CFAP46: variants seen among roughly 807,000 people sequenced by gnomAD.
The protein encoded by CFAP46 is cilia and flagella associated protein 46.
In CFAP46, 245 loss-of-function variants were observed where a neutral mutation model predicts 325.7. The observed-to-expected ratio is 0.75, with a 90% CI of 0.68 to 0.84. CFAP46 has a LOEUF of 0.84. Among genes scored for constraint, CFAP46 ranks in the 40% least tolerant of loss-of-function variants. The probability of loss-of-function intolerance (pLI) is 0.00; values close to 1 mark genes in which losing one functional copy is unlikely to be tolerated. For missense variants in CFAP46, 3,346 were observed against 3,543.0 expected, an observed-to-expected ratio of 0.94 and a Z score of 1.41; for synonymous variants, 1,523 against 1,495.9, an observed-to-expected ratio of 1.02 and a Z score of -0.42.
intron 50 of CFAP46, among the ~76,000 whole-genome samples, chr10:132,831,201 G>A (rs1475648228): frequency 2.2e-5 from 3 of 138,642 alleles, no homozygotes; most frequent in Non-Finnish European, 4.6e-5. Flanking sequence ...TCAACTTAGG[G>A]TATATCTTGT....
intron 44 of CFAP46, among the ~76,000 whole-genome samples, chr10:132,837,340 C>T (rs1413072902): frequency 6.6e-6 from 1 of 152,208 alleles, no homozygotes; most frequent in Admixed American, 6.5e-5. Flanking sequence ...GACACACACG[C>T]GTGCACAGAC....
intron 44 of CFAP46, among the ~76,000 whole-genome samples, chr10:132,838,831 C>T (rs569043169): frequency 6.6e-6 from 1 of 152,370 alleles, no homozygotes; most frequent in Admixed American, 6.5e-5. Context: ...TGCCAAGGGG[C>T]AGGCATGAGG....
At chr10:132,818,886 C>G (rs889779475) in intron 50 of CFAP46, among the ~76,000 whole-genome samples, 5 of 148,720 alleles carry the variant, frequency 3.4e-5, no homozygotes, top group Non-Finnish European at 5.9e-5. Flanking sequence ...AAAGAAAGAA[C>G]AGGCACACAC....
chr10:132,854,646 G>T (rs4880449), intron 39 of CFAP46, among the ~76,000 whole-genome samples: 104,088 of 151,928 alleles, frequency 0.69, 36,658 homozygotes, highest in African/African-American at 0.84. Flanking sequence ...CAGCTTTCTG[G>T]TTTTTTTTAA....
In CFAP46 at chr10:132,899,655, C is replaced by T. The variant is rs138173942; in HGVS notation, c.2936G>A (p.Arg979Gln). 1,607 of 1,549,262 alleles carry T rather than the reference C, an allele frequency of 1.0e-3. 15 individuals carry two copies. The African/African-American group carries it at 0.019, about 18-fold the overall frequency. ...YLKKFGPEESRLVAEMLCTAT... is the reference protein window; with the variant it reads ...YLKKFGPEESQLVAEMLCTAT... Reference sequence around the variant, plus strand: ...TGTGCACAGCATCTCTGCCACCAGCCGGGACTCCTCGCTGCAGGAACAGGG... The same window carrying T: ...TGTGCACAGCATCTCTGCCACCAGCTGGGACTCCTCGCTGCAGGAACAGGG... Residue 979 changes from arginine to glutamine, a missense_variant, in exon 23 of 58, where the codon CGG becomes CAG. Transcript: ENST00000368586.
intron 22 of CFAP46, among the ~76,000 whole-genome samples, chr10:132,900,189 A>T (rs1849374630): frequency 6.6e-6 from 1 of 152,204 alleles, no homozygotes; most frequent in African/African-American, 2.4e-5. Flanking sequence ...CCACAGAACC[A>T]GCCCCTCTTT....
chr10:132,913,182 C>G lies in CFAP46; in HGVS notation c.2197G>C (p.Glu733Gln). 2 of 1,550,474 alleles carry G rather than the reference C, an allele frequency of 1.3e-6. No individual in the cohort carries two copies. Among genetic ancestry groups the G allele is most frequent in the Non-Finnish European group, 1.7e-6 (2 of 1,147,004 alleles). The change falls in exon 18 of 58, where the codon GAG becomes CAG. Residue 733 changes from glutamate to glutamine, a missense_variant. Transcript: ENST00000368586. ...RSAEIGQEIQ[E>Q]AWIVQNAVVY... Reference sequence around the variant, plus strand: ...ACGGCGTTCTGCACAATCCACGCCTCCTGGATCTCCTGTCCGATCTCTGCG... The same window carrying G: ...ACGGCGTTCTGCACAATCCACGCCTGCTGGATCTCCTGTCCGATCTCTGCG...
At chr10:132,915,395 C>T (rs1362945511) in intron 17 of CFAP46, among the ~76,000 whole-genome samples, 1 of 152,274 alleles carries the variant, frequency 6.6e-6, no homozygotes, top group Non-Finnish European at 1.5e-5. Flanking sequence ...GGAGAGGGAT[C>T]CCAAGAGGCC....
rs1475999614 is a variant in CFAP46, at chr10:132,812,812, C to T, written c.7474G>A (p.Glu2492Lys). Residue 2492 changes from glutamate (E) to lysine (K), a missense_variant, in exon 55 of 58, where the codon GAG (glutamate) becomes AAG (lysine). By Grantham distance (56) the Glu-to-Lys change is moderately conservative (BLOSUM62 1). Coordinates refer to ENST00000368586, the MANE Select transcript of CFAP46 (RefSeq NM_001200049.3). ...TGCAAGTTCATGGCGACCAATCTCT[C>T]CACTAATATATGGGACAGGAAGCTC... Reference protein sequence around the residue: ...MESFLSHILVERLVAMNLQEC... With the variant: ...MESFLSHILVKRLVAMNLQEC... 1 of 1,612,352 alleles carries T rather than the reference C, an allele frequency of 6.2e-7. No homozygotes were observed. Among genetic ancestry groups the T allele is most frequent in the Non-Finnish European group, 8.5e-7 (1 of 1,179,730 alleles).
Position 132,919,500 on chromosome 10 carries a change from T to A in CFAP46, c.1731-58A>T. The A allele has an allele frequency of 6.6e-7, 1 of 1,504,420 alleles. No individual in the cohort carries two copies. Among genetic ancestry groups the A allele is most frequent in the Non-Finnish European group, 8.9e-7 (1 of 1,125,004 alleles). The allele number at this position is 1,504,420 out of a possible 1,614,324, so 93.2% of individuals were successfully genotyped here. On this transcript the variant is annotated intron_variant, in intron 14 of 57. Coordinates refer to ENST00000368586, the MANE Select transcript of CFAP46 (RefSeq NM_001200049.3). This position sits in a 1 kb window ranked among gnomAD's most constrained non-coding sequence, Gnocchi z 9.7. ...GAGTAGACAAGTGTGGTTGCTGAAG[T>A]TAGAAAACACCTGGGCTGGCTGCCT...
intron 57 of CFAP46, 140 bp from the exon 58 acceptor site, chr10:132,809,044 C>T: frequency 1.1e-6 from 1 of 873,180 alleles, no homozygotes; most frequent in South Asian, 1.9e-5. Flanking sequence ...TTCGCCAGGC[C>T]TCCAGGGCGC....
intron 24 of CFAP46, among the ~76,000 whole-genome samples, chr10:132,893,826 T>C (rs1458129193): frequency 6.6e-6 from 1 of 152,248 alleles, no homozygotes; most frequent in Non-Finnish European, 1.5e-5. Context: ...TGCTCCTCAG[T>C]TGAAGTCTTT....
rs1489476484 is a variant in CFAP46 at position 132,939,504 on chromosome 10, G to A, written c.372-751C>T. On this transcript the variant is annotated intron_variant, in intron 4 of 57. Coordinates refer to ENST00000368586, the MANE Select transcript of CFAP46 (RefSeq NM_001200049.3). The surrounding 1 kb of genome is among the most constrained non-coding windows in gnomAD (Gnocchi z 4.6). ...CCATGTAGGGCCTGTGTGCCTTGTG[G>A]TCCTGGGCCGGCCACCAGGTGGACC... 2.0e-5 allele frequency among the ~76,000 whole-genome samples: 3 copies of A among 152,170 alleles called. No homozygotes were observed. Among genetic ancestry groups the A allele is most frequent in the Non-Finnish European group, 4.4e-5 (3 of 68,014 alleles).
intron 24 of CFAP46, among the ~76,000 whole-genome samples, chr10:132,896,577 A>G (rs77339558): frequency 0.013 from 1,948 of 152,352 alleles, 30 homozygotes; most frequent in African/African-American, 0.043. Context: ...AGGTTGCTGA[A>G]AGAAATTAAA....
chr10:132,842,215 A>G (rs73391245), intron 44 of CFAP46, among the ~76,000 whole-genome samples: 10,643 of 152,256 alleles, frequency 0.07, 929 homozygotes, highest in African/African-American at 0.2. Flanking sequence ...ATTCTACCAG[A>G]TACCCTTGTT....
rs1848962413 is a variant in CFAP46, at chr10:132,876,738, C to T, written c.4362+74G>A. ...TTCTGGCTACAGTTCACAGTGAAAA[C>T]TGGACTTGGGGACAGGTCAAGGGGA... On this transcript the variant is annotated intron_variant, in intron 31 of 57. Coordinates refer to ENST00000368586, the MANE Select transcript of CFAP46 (RefSeq NM_001200049.3). The surrounding 1 kb of genome is among the most constrained non-coding windows in gnomAD (Gnocchi z 4.1). 1 of 1,438,212 alleles carries T rather than the reference C, an allele frequency of 7.0e-7. No individual in the cohort carries two copies. The highest frequency in any genetic ancestry group is 1.4e-5 in the African/African-American group (1 of 69,628). 89.1% of individuals were successfully genotyped at this position (1,438,212 alleles called of 1,614,324 possible). A position where few individuals can be genotyped will look rare whatever the true frequency, so the allele number is the denominator to read the frequency against.
chr10:132,809,623 C>A (rs540792046), intron 57 of CFAP46, among the ~76,000 whole-genome samples: 14 of 152,180 alleles, frequency 9.2e-5, no homozygotes, highest in Admixed American at 3.9e-4. Context: ...CAGACCACCC[C>A]CTCCGTGCAC....
intron 50 of CFAP46, among the ~76,000 whole-genome samples, chr10:132,831,760 A>G (rs948806522): frequency 6.6e-6 from 1 of 151,952 alleles, no homozygotes; most frequent in Non-Finnish European, 1.5e-5. Flanking sequence ...GAAATATACT[A>G]TCTTGCTATT....
intron 7 of CFAP46, among the ~76,000 whole-genome samples, chr10:132,936,500 A>G (rs1334752727): frequency 1.1e-5 from 1 of 95,098 alleles, no homozygotes; most frequent in Admixed American, 1.2e-4. Flanking sequence ...TGATCTCCTC[A>G]CTCCCCTCGG....
Sources: gnomAD v4.1 joint callset for allele counts (sites outside exome capture counted in the v4.1 genomes callset) on GRCh38, gnomAD v4.1.1 for gene constraint, Gnocchi (gnomAD v3.1) non-coding constraint, MANE v1.5 for transcripts, NCBI Gene and HGNC (gene_info 2026-07-23, HGNC 2026-07-21) for gene names.